FBLN5: variants seen among roughly 807,000 people sequenced by gnomAD.
The protein encoded by FBLN5 is fibulin-5.
A neutral mutation model predicts 61.6 loss-of-function variants in FBLN5; 24 were observed. The observed-to-expected ratio is 0.39, with a 90% CI of 0.28 to 0.55. FBLN5 has a LOEUF of 0.55. Among genes scored for constraint, FBLN5 ranks in the 20% least tolerant of loss-of-function variants. The pLI, the probability that FBLN5 is intolerant of heterozygous loss-of-function variation, is 0.65. For missense variants in FBLN5, 470 were observed against 594.1 expected (o/e 0.79, Z 2.17); for synonymous variants, 213 against 219.8 (o/e 0.97, Z 0.27).
At chr14:91,930,196 A>C (rs2055899749) in intron 4 of FBLN5, among the ~76,000 whole-genome samples, 1 of 152,218 alleles carries the variant, frequency 6.6e-6, no homozygotes, top group South Asian at 2.1e-4. Context: ...ATGATAAGCC[A>C]GCCTCGATGT....
Position 91,869,994 on chromosome 14 carries a change from G to T in FBLN5, c.*230C>A. On this transcript the variant is annotated 3_prime_UTR_variant, in exon 11 of 11. Coordinates refer to ENST00000342058, the MANE Select transcript of FBLN5 (RefSeq NM_006329.4). ...AACAATCTTCTATCAGGGGAGCAAT[G>T]ATAATACTTTTTGATAACTGTGTCA... is the stretch of plus-strand genomic sequence containing the variant. The T allele has an allele frequency of 1.8e-6, 1 of 566,106 alleles. No individual in the cohort carries two copies. Among genetic ancestry groups the T allele is most frequent in the Non-Finnish European group, 3.2e-6 (1 of 312,574 alleles). 35.1% of individuals were successfully genotyped at this position (566,106 alleles called of 1,614,324 possible).
chr14:91,930,442 A>G (rs2055903543), intron 4 of FBLN5, among the ~76,000 whole-genome samples: 1 of 152,190 alleles, frequency 6.6e-6, no homozygotes, highest in Admixed American at 6.5e-5. Context: ...CCAGCTGCAG[A>G]ACCCCCACCT....
At chr14:91,911,192 C>A (rs1044043538) in intron 4 of FBLN5, among the ~76,000 whole-genome samples, 2 of 152,064 alleles carry the variant, frequency 1.3e-5, no homozygotes, top group Non-Finnish European at 2.9e-5. Context: ...ACCAGGTTGG[C>A]CAGGCTGGTC....
At chr14:91,883,119 C>T (rs947841290) in intron 7 of FBLN5, 43 bp from the exon 8 acceptor site, 1 of 1,610,008 alleles carries the variant, frequency 6.2e-7, no homozygotes, top group African/African-American at 1.3e-5. Context: ...TCCCAGTCTA[C>T]ATGGGGATGG....
At chr14:91,892,191 G>A (rs191758364) in intron 5 of FBLN5, among the ~76,000 whole-genome samples, 2 of 152,302 alleles carry the variant, frequency 1.3e-5, no homozygotes, top group Admixed American at 1.3e-4. Flanking sequence ...ATGTGATAAT[G>A]GGCTGGAGAA....
intron 5 of FBLN5, among the ~76,000 whole-genome samples, chr14:91,892,630 C>T (rs1441641951): frequency 6.6e-6 from 1 of 152,232 alleles, no homozygotes; most frequent in African/African-American, 2.4e-5. Context: ...ATTGGCTGTA[C>T]AGTGGCTGGC....
chr14:91,923,526 C>T (rs1199891528), intron 4 of FBLN5, among the ~76,000 whole-genome samples: 2 of 152,184 alleles, frequency 1.3e-5, no homozygotes, highest in African/African-American at 4.8e-5. Context: ...ATGTCTCTGC[C>T]CATGCTGTTC....
chr14:91,871,093 CAA>C (rs1888902713), intron 10 of FBLN5, among the ~76,000 whole-genome samples: 1 of 151,946 alleles, frequency 6.6e-6, no homozygotes, highest in Admixed American at 6.6e-5. Context: ...ATATATACAC[CAA>C]ACTCCTACGA....
chr14:91,945,534 TG>T (rs1418307657), intron 1 of FBLN5, among the ~76,000 whole-genome samples: 3 of 152,302 alleles, frequency 2.0e-5, no homozygotes, highest in Admixed American at 1.3e-4. Flanking sequence ...GCAGTGAACC[TG>T]GGGACATGGC....
intron 5 of FBLN5, among the ~76,000 whole-genome samples, chr14:91,893,606 A>G (rs1048810440): frequency 6.6e-6 from 1 of 152,250 alleles, no homozygotes; most frequent in African/African-American, 2.4e-5. Context: ...GGCCTTTTCT[A>G]GAAAACACAG....
At position 91,947,183 on chromosome 14, in the gene FBLN5, A is replaced by T; in HGVS notation, c.17+30T>A. 1 of 1,614,062 alleles carries T rather than the reference A, an allele frequency of 6.2e-7. No homozygotes were observed. On this transcript the variant is annotated intron_variant, in intron 1 of 10. Transcript: ENST00000342058. This position sits in a 1 kb window ranked among gnomAD's most constrained non-coding sequence, Gnocchi z 4.3. ...TTTTAGCAAGGCTTCCAGACCCTGG[A>T]GAAAGAAAAGTCCAGCGCCGAGAAC...
intron 4 of FBLN5, among the ~76,000 whole-genome samples, chr14:91,911,085 G>A (rs1890906805): frequency 6.6e-6 from 1 of 151,934 alleles, no homozygotes; most frequent in African/African-American, 2.4e-5. Flanking sequence ...CTGGGTTCAA[G>A]TGATTCTCCC....
chr14:91,870,491 G>A (rs765955265), intron 10 of FBLN5, 106 bp from the exon 11 acceptor site: 225 of 1,107,872 alleles, frequency 2.0e-4, no homozygotes, highest in Admixed American at 9.1e-4. Flanking sequence ...GCACCCCCTC[G>A]GTGCCTCAAC....
chr14:91,927,358 T>C (rs1420920543), intron 4 of FBLN5, among the ~76,000 whole-genome samples: 1 of 152,198 alleles, frequency 6.6e-6, no homozygotes, highest in Non-Finnish European at 1.5e-5. Flanking sequence ...CTGCAGATGC[T>C]ATGCAGACAC....
chr14:91,928,433 G>A (rs1394132289), intron 4 of FBLN5, among the ~76,000 whole-genome samples: 5 of 152,212 alleles, frequency 3.3e-5, no homozygotes, highest in Admixed American at 6.5e-5. Flanking sequence ...AGAGGATTAC[G>A]AAAGAAAACA....
intron 4 of FBLN5, among the ~76,000 whole-genome samples, chr14:91,914,820 T>TTTTG (rs1555377558): frequency 1.6e-3 from 238 of 152,006 alleles, no homozygotes; most frequent in African/African-American, 5.6e-3. Flanking sequence ...GTGGTTTTTT[T>TTTTG]TTTTGTTTTG....
intron 4 of FBLN5, among the ~76,000 whole-genome samples, chr14:91,932,830 A>G (rs1337931903): frequency 1.3e-5 from 2 of 152,272 alleles, no homozygotes; most frequent in African/African-American, 4.8e-5. Flanking sequence ...CCAGGGAAAC[A>G]GTAAAGACTA....
At chr14:91,916,392 AGAG>A (rs1441499455) in intron 4 of FBLN5, among the ~76,000 whole-genome samples, 5 of 152,224 alleles carry the variant, frequency 3.3e-5, no homozygotes, top group Admixed American at 2.0e-4. Context: ...GGTTGCCGTG[AGAG>A]GAGATCGCAC....
intron 4 of FBLN5, among the ~76,000 whole-genome samples, chr14:91,927,241 A>C (rs1387596273): frequency 6.6e-6 from 1 of 152,218 alleles, no homozygotes; most frequent in Non-Finnish European, 1.5e-5. Flanking sequence ...CCTTGCATTC[A>C]TATGGTATTT....
Sources: gnomAD v4.1 joint callset for allele counts (sites outside exome capture counted in the v4.1 genomes callset) on GRCh38, gnomAD v4.1.1 for gene constraint, Gnocchi (gnomAD v3.1) non-coding constraint, MANE v1.5 for transcripts, NCBI Gene and HGNC (gene_info 2026-07-23, HGNC 2026-07-21) for gene names.